The following STX19 variants were observed in gnomAD, a reference collection of about 807,000 sequenced individuals.
The protein encoded by STX19 is syntaxin-19.
In STX19, 26 loss-of-function variants were observed where a neutral mutation model predicts 24.3. That is an observed-to-expected ratio of 1.07 (90% CI 0.78 to 1.48). The LOEUF (loss-of-function observed/expected upper bound fraction) is 1.48. STX19 is among the 40% of genes most tolerant of loss of function. STX19 has a pLI of 0.00. For missense variants in STX19, 367 were observed against 331.9 expected, an observed-to-expected ratio of 1.11 and a Z score of -0.82; for synonymous variants, 116 against 106.9, an observed-to-expected ratio of 1.09 and a Z score of -0.52.
At chr3:94,015,485 C>A (rs2076313411) in intron 1 of STX19, among the ~76,000 whole-genome samples, 1 of 152,150 alleles carries the variant, frequency 6.6e-6, no homozygotes, top group Non-Finnish European at 1.5e-5. Flanking sequence ...TTGTAAGTTA[C>A]TTTGCATGTG....
intron 1 of STX19, among the ~76,000 whole-genome samples, chr3:94,015,499 G>T (rs1446141443): frequency 6.6e-6 from 1 of 152,176 alleles, no homozygotes; most frequent in Non-Finnish European, 1.5e-5. Context: ...GCATGTGAGT[G>T]CTATTTAGTT....
At chr3:94,026,513 T>C (rs2076561521) in intron 1 of STX19, among the ~76,000 whole-genome samples, 1 of 152,318 alleles carries the variant, frequency 6.6e-6, no homozygotes, top group African/African-American at 2.4e-5. Context: ...AGTTGCATAC[T>C]CATAACTATA....
In STX19 at chr3:94,015,215, T is replaced by C. The variant is rs779296512; in HGVS notation, c.55A>G (p.Arg19Gly). Reference protein sequence around the residue: ...KQRTKEIELSRDSHVSTTETE... With the variant: ...KQRTKEIELSGDSHVSTTETE... Reference sequence around the variant, plus strand: ...TCTGTAGTTGATACATGACTGTCTCTAGAGAGTTCAATTTCCTTTGTTCTC... The same window carrying C: ...TCTGTAGTTGATACATGACTGTCTCCAGAGAGTTCAATTTCCTTTGTTCTC... Residue 19 changes from arginine (R) to glycine (G), a missense_variant, in exon 2 of 2, where the codon AGA becomes GGA. Coordinates refer to ENST00000315099, the MANE Select transcript of STX19 (RefSeq NM_001001850.3). 4.1e-5 allele frequency: 66 copies of C among 1,596,180 alleles called. No individual in the cohort carries two copies. Among genetic ancestry groups the C allele is most frequent in the Admixed American group, 1.1e-4 (6 of 55,242 alleles).
chr3:94,016,306 G>A (rs2076332490), intron 1 of STX19, among the ~76,000 whole-genome samples: 1 of 151,982 alleles, frequency 6.6e-6, no homozygotes, highest in Admixed American at 6.6e-5. Flanking sequence ...GAAAAAAAAG[G>A]TCTCTGAATG....
At chr3:94,022,699 T>C (rs768162437) in intron 1 of STX19, among the ~76,000 whole-genome samples, 22 of 152,092 alleles carry the variant, frequency 1.4e-4, no homozygotes, top group Non-Finnish European at 2.8e-4. Flanking sequence ...AAAATGAATA[T>C]ATTTAAGAAA....
intron 1 of STX19, among the ~76,000 whole-genome samples, chr3:94,018,834 C>T (rs748352702): frequency 2.0e-5 from 3 of 151,894 alleles, no homozygotes; most frequent in Non-Finnish European, 4.4e-5. Context: ...GGTGTGGTCT[C>T]GGCTCACTGC....
chr3:94,019,442 A>G (rs2076402480), intron 1 of STX19, among the ~76,000 whole-genome samples: 1 of 149,782 alleles, frequency 6.7e-6, no homozygotes, highest in Admixed American at 6.6e-5. Context: ...TGATCCGCCC[A>G]TCTTGGCTTC....
chr3:94,014,523 A>G lies in STX19; in HGVS notation c.747T>C (p.Asn249=). The G allele has an allele frequency of 6.2e-7, 1 of 1,612,776 alleles. No homozygotes were observed. Among genetic ancestry groups the G allele is most frequent in the Middle Eastern group, 1.7e-4 (1 of 6,058 alleles). Residue 249 remains asparagine (N), a synonymous_variant, in exon 2 of 2, where the codon AAT becomes AAC. Coordinates refer to ENST00000315099, the MANE Select transcript of STX19 (RefSeq NM_001001850.3). ...TTGTACTATTCACTGTCATTTCAAT[A>G]TTGTTGATGCTCTCTCCTTGTTCCT... The part of the protein sequence containing the change: ...LVEEQGESIN[N]IEMTVNSTKE...
intron 1 of STX19, among the ~76,000 whole-genome samples, chr3:94,024,400 C>T (rs2076513026): frequency 6.6e-6 from 1 of 152,144 alleles, no homozygotes; most frequent in Admixed American, 6.6e-5. Context: ...GATTTTCTAT[C>T]CATAAAAATT....
At chr3:94,020,912 G>C (rs2076433703) in intron 1 of STX19, among the ~76,000 whole-genome samples, 1 of 152,184 alleles carries the variant, frequency 6.6e-6, no homozygotes, top group South Asian at 2.1e-4. Flanking sequence ...TTCTAAGCTG[G>C]AAGGAGATTC....
intron 1 of STX19, among the ~76,000 whole-genome samples, chr3:94,026,340 A>T (rs1278765694): frequency 6.6e-6 from 1 of 152,214 alleles, no homozygotes; most frequent in African/African-American, 2.4e-5. Context: ...AAGAGGGAGT[A>T]ACTTCTGTAT....
At chr3:94,017,396 T>A (rs2076355720) in intron 1 of STX19, among the ~76,000 whole-genome samples, 1 of 152,194 alleles carries the variant, frequency 6.6e-6, no homozygotes, top group African/African-American at 2.4e-5. Context: ...AGCTGCTTCA[T>A]GAGGTGCTGA....
In STX19 at chr3:94,014,913, T is replaced by C. The variant is rs113044944; in HGVS notation, c.357A>G (p.Ser119=). ...LNDLVKEVKK[S]EVENGPSSVV... The stretch of plus-strand genomic sequence containing the variant: ...CTGAAGATGGACCATTTTCAACCTC[T>C]GACTTTTTAACTTCTTTAACTAAAT... Residue 119 remains serine (S), a synonymous_variant, in exon 2 of 2, where the codon TCA becomes TCG. Transcript: ENST00000315099. 4 of 1,613,464 alleles carry C rather than the reference T, an allele frequency of 2.5e-6. No homozygotes were observed. The highest frequency in any genetic ancestry group is 3.4e-6 in the Non-Finnish European group (4 of 1,179,830).
At chr3:94,017,724 G>A (rs1464075065) in intron 1 of STX19, among the ~76,000 whole-genome samples, 1 of 152,180 alleles carries the variant, frequency 6.6e-6, no homozygotes, top group Non-Finnish European at 1.5e-5. Context: ...TCTCTAAGCA[G>A]ATATTTGAGA....
chr3:94,015,575 T>C (rs1415353479), intron 1 of STX19, among the ~76,000 whole-genome samples: 1 of 151,326 alleles, frequency 6.6e-6, no homozygotes, highest in East Asian at 1.9e-4. Flanking sequence ...CACATGATAG[T>C]TTTTTTTTGT....
At chr3:94,026,021 CTT>C (rs548770030) in intron 1 of STX19, among the ~76,000 whole-genome samples, 15 of 140,260 alleles carry the variant, frequency 1.1e-4, no homozygotes, top group Admixed American at 2.2e-4. Context: ...GAAAACTTCT[CTT>C]TTTTTTTTTT....
chr3:94,026,286 C>G (rs189820748), intron 1 of STX19, among the ~76,000 whole-genome samples: 112 of 152,244 alleles, frequency 7.4e-4, no homozygotes, highest in Non-Finnish European at 1.3e-3. Context: ...TAAAATTTGT[C>G]TTTTTTAAAC....
chr3:94,019,538 T>C (rs2076404432), intron 1 of STX19, among the ~76,000 whole-genome samples: 1 of 152,146 alleles, frequency 6.6e-6, no homozygotes, highest in Non-Finnish European at 1.5e-5. Flanking sequence ...GATAGTCTCC[T>C]AAGTGTTCTC....
intron 1 of STX19, among the ~76,000 whole-genome samples, chr3:94,025,945 T>A (rs1441343609): frequency 2.0e-5 from 3 of 152,192 alleles, no homozygotes; most frequent in Admixed American, 2.0e-4. Flanking sequence ...TTGCCCAGTG[T>A]AATTAGCTTT....
Sources: gnomAD v4.1 joint callset for allele counts (sites outside exome capture counted in the v4.1 genomes callset) on GRCh38, gnomAD v4.1.1 for gene constraint, MANE v1.5 for transcripts, NCBI Gene and HGNC (gene_info 2026-07-23, HGNC 2026-07-21) for gene names.